Variants in MYBL2 observed in about 807,000 individuals in gnomAD.
MYBL2 encodes MYB proto-oncogene like 2.
MYBL2 carries 28 observed loss-of-function variants against 79.9 expected under a neutral mutation model. The observed-to-expected ratio is 0.35, with a 90% CI of 0.26 to 0.48. The LOEUF is 0.48. Among genes scored for constraint, MYBL2 ranks in the 20% least tolerant of loss-of-function variants. The pLI is 0.99. For missense variants in MYBL2, 735 were observed against 893.9 expected, an observed-to-expected ratio of 0.82 and a Z score of 2.27; for synonymous variants, 378 against 361.2, an observed-to-expected ratio of 1.05 and a Z score of -0.53.
At chr20:43,669,271 G>A (rs1437711710) in intron 1 of MYBL2, among the ~76,000 whole-genome samples, 9 of 152,096 alleles carry the variant, frequency 5.9e-5, no homozygotes, top group Admixed American at 4.6e-4. Flanking sequence ...CCAAAGTGTC[G>A]GGATTACAGG....
chr20:43,688,010 C>CAA lies in MYBL2; in HGVS notation c.500+954_500+955dup, dbSNP rs11086887. ...CTGGGCGACAGAGCGAGACTGTCTC[C>CAA]AAAAAAAAAAAAAAAAATTTTTTTT... is the stretch of plus-strand genomic sequence containing the variant. On this transcript the variant is annotated intron_variant, in intron 5 of 13. Coordinates refer to ENST00000217026, the MANE Select transcript of MYBL2 (RefSeq NM_002466.4). 9.0e-3 allele frequency among the ~76,000 whole-genome samples: 1,050 copies of CAA among 117,210 alleles called. 16 individuals are homozygous for CAA. Among genetic ancestry groups the CAA allele is most frequent in the African/African-American group, 0.021 (646 of 30,160 alleles). The allele number at this position is 117,210 out of a possible 152,430, so 76.9% of individuals were successfully genotyped here. A position where few individuals can be genotyped will look rare whatever the true frequency, so the allele number is the denominator to read the frequency against.
chr20:43,679,705 G>A (rs1206389769), intron 2 of MYBL2, among the ~76,000 whole-genome samples: 1 of 152,110 alleles, frequency 6.6e-6, no homozygotes, highest in Non-Finnish European at 1.5e-5. Flanking sequence ...GCTTGAGGCA[G>A]TCTAGACCAG....
At chr20:43,686,078 C>G (rs1987267016) in intron 4 of MYBL2, among the ~76,000 whole-genome samples, 1 of 151,714 alleles carries the variant, frequency 6.6e-6, no homozygotes, top group Non-Finnish European at 1.5e-5. Flanking sequence ...AACATAAAAT[C>G]TTTAAAAAAA....
intron 2 of MYBL2, among the ~76,000 whole-genome samples, chr20:43,678,980 C>T (rs1006279556): frequency 6.6e-5 from 10 of 150,556 alleles, no homozygotes; most frequent in Middle Eastern, 3.4e-3. Flanking sequence ...GAGGGCAGTG[C>T]GGGGATGGAG....
chr20:43,686,808 G>T (rs1264884588), intron 4 of MYBL2, 44 bp from the exon 5 acceptor site: 6 of 1,592,272 alleles, frequency 3.8e-6, no homozygotes, highest in Non-Finnish European at 5.2e-6. Context: ...GTGGGGGCGA[G>T]AGAGGGGCCG....
At chr20:43,693,665 G>C (rs1484110669) in intron 6 of MYBL2, among the ~76,000 whole-genome samples, 1 of 152,100 alleles carries the variant, frequency 6.6e-6, no homozygotes, top group African/African-American at 2.4e-5. Flanking sequence ...AATGAAATCA[G>C]TATATACTTA....
chr20:43,716,123 A>G lies in MYBL2; in HGVS notation c.*36A>G. On this transcript the variant is annotated 3_prime_UTR_variant, in exon 14 of 14. Transcript: ENST00000217026. Reference sequence around the variant, plus strand: ...GTGTCACGAGCCCATTCTCATGTTTACAGGGGTTGTGGGGGCAGAGGGGGT... The same window carrying G: ...GTGTCACGAGCCCATTCTCATGTTTGCAGGGGTTGTGGGGGCAGAGGGGGT... 6.3e-7 allele frequency: 1 copy of G among 1,599,596 alleles called. No homozygotes were observed. The highest frequency in any genetic ancestry group is 8.5e-7 in the Non-Finnish European group (1 of 1,179,044).
At chr20:43,695,037 AT>A (rs3092677) in intron 6 of MYBL2, among the ~76,000 whole-genome samples, 31 of 143,996 alleles carry the variant, frequency 2.2e-4, no homozygotes, top group Admixed American at 4.2e-4. Flanking sequence ...CAGGAGGTCA[AT>A]TTTTTTTTTT....
At chr20:43,680,224 C>A (rs1003136260) in intron 2 of MYBL2, among the ~76,000 whole-genome samples, 3 of 152,046 alleles carry the variant, frequency 2.0e-5, no homozygotes, top group Non-Finnish European at 4.4e-5. Context: ...GACGAACTTT[C>A]ACCATGTTGG....
At chr20:43,712,002 A>G (rs1355454653) in intron 11 of MYBL2, among the ~76,000 whole-genome samples, 3 of 152,132 alleles carry the variant, frequency 2.0e-5, no homozygotes, top group East Asian at 3.9e-4. Flanking sequence ...GGAGGTTCCA[A>G]AGGAATCTTT....
At chr20:43,686,355 G>A (rs953891130) in intron 4 of MYBL2, among the ~76,000 whole-genome samples, 3 of 152,158 alleles carry the variant, frequency 2.0e-5, no homozygotes, top group Admixed American at 6.6e-5. Flanking sequence ...AGCCCGCGAT[G>A]CCTGCTACCA....
chr20:43,704,955 C>T (rs903749478), intron 8 of MYBL2, among the ~76,000 whole-genome samples: 8 of 152,134 alleles, frequency 5.3e-5, no homozygotes, highest in Admixed American at 1.3e-4. Context: ...TTAACTGCGT[C>T]GTCAGCACTC....
At chr20:43,675,759 C>G (rs1440139839) in intron 2 of MYBL2, among the ~76,000 whole-genome samples, 1 of 64,406 alleles carries the variant, frequency 1.6e-5, no homozygotes, top group African/African-American at 6.2e-5. Context: ...TTTTTGGGGG[C>G]TTTGTGTGTG....
intron 10 of MYBL2, 106 bp from the exon 11 acceptor site, chr20:43,711,382 T>C: frequency 5.3e-6 from 4 of 761,014 alleles, no homozygotes; most frequent in Non-Finnish European, 8.7e-6. Flanking sequence ...GCCTCCTTCC[T>C]GCCTTACCCA....
At chr20:43,692,427 A>G (rs1987435599) in intron 6 of MYBL2, 108 bp downstream of exon 6, 1 of 1,405,122 alleles carries the variant, frequency 7.1e-7, no homozygotes, top group Non-Finnish European at 9.7e-7. Context: ...CACAGAGTCT[A>G]AAAGTGGGCT....
intron 9 of MYBL2, among the ~76,000 whole-genome samples, chr20:43,707,248 A>G (rs932150904): frequency 1.3e-5 from 2 of 151,708 alleles, no homozygotes; most frequent in South Asian, 2.1e-4. Context: ...TCTAAAGCAT[A>G]ACTTAGATAG....
chr20:43,683,973 G>C (rs1987207536), intron 4 of MYBL2, among the ~76,000 whole-genome samples: 1 of 151,968 alleles, frequency 6.6e-6, no homozygotes, highest in African/African-American at 2.4e-5. Flanking sequence ...CTGTCACCCA[G>C]GCTGGGGTAC....
Position 43,672,211 on chromosome 20 carries a change from A to G in MYBL2, c.21-1595A>G, listed in dbSNP as rs1481440987. Among the ~76,000 whole-genome samples, 5 of 147,898 alleles carry G rather than the reference A, an allele frequency of 3.4e-5. No individual in the cohort carries two copies. The East Asian group carries it at 9.7e-4, about 29-fold the overall frequency. ...GGGTGACAGAGTGAAACTCCGTCTC[A>G]AAAAAAAAAAATAGATACTGTACAC... On this transcript the variant is annotated intron_variant, in intron 1 of 13. Coordinates refer to ENST00000217026, the MANE Select transcript of MYBL2 (RefSeq NM_002466.4).
At chr20:43,673,955 T>C in intron 2 of MYBL2, 56 bp downstream of exon 2, 1 of 1,445,920 alleles carries the variant, frequency 6.9e-7, no homozygotes, top group Non-Finnish European at 9.5e-7. Context: ...CCAGAGGAAC[T>C]GAGCCTGGAG....
Sources: gnomAD v4.1 joint callset for allele counts (sites outside exome capture counted in the v4.1 genomes callset) on GRCh38, gnomAD v4.1.1 for gene constraint, MANE v1.5 for transcripts, NCBI Gene and HGNC (gene_info 2026-07-23, HGNC 2026-07-21) for gene names.